MUC4: variants seen among roughly 807,000 people sequenced by gnomAD.
The protein encoded by MUC4 is mucin-4.
In MUC4, 202 loss-of-function variants were observed where a neutral mutation model predicts 257.9. The ratio of observed to expected loss-of-function variants is 0.78; its 90% confidence interval spans 0.70 to 0.88. The LOEUF (loss-of-function observed/expected upper bound fraction) is 0.88. MUC4 is among the 40% of genes least tolerant of loss of function. The pLI, the probability that MUC4 is intolerant of heterozygous loss-of-function variation, is 0.00. For missense variants in MUC4, 5,976 were observed against 6,513.7 expected (o/e 0.92, Z 2.84); for synonymous variants, 2,351 against 2,757.1 (o/e 0.85, Z 4.62).
In MUC4 at chr3:195,747,269, C is replaced by A. The variant is rs1233267902; in HGVS notation, c.16146G>T (p.Leu5382=). 2 of 1,614,256 alleles carry A rather than the reference C, an allele frequency of 1.2e-6. No homozygotes were observed. The highest frequency in any genetic ancestry group is 2.2e-5 in the South Asian group (2 of 91,088). The change falls in exon 25 of 25, where the codon CTG becomes CTT. Residue 5382 remains leucine, a synonymous_variant. Transcript: ENST00000463781. ...GGACCACGAACGTCCCGACCCCCAGCAGCAAGAGGCCGCCCAGGGCCCCAA... is the reference window on the plus strand; with the variant it reads ...GGACCACGAACGTCCCGACCCCCAGAAGCAAGAGGCCGCCCAGGGCCCCAA... ...IFFGALGGLL[L]LGVGTFVVLR...
Position 195,757,388 on chromosome 3 carries a change from T to C in MUC4, c.14987-60A>G. On this transcript the variant is annotated intron_variant, in intron 17 of 24. Transcript: ENST00000463781. The surrounding 1 kb of genome is among the most constrained non-coding windows in gnomAD (Gnocchi z 4.8). ...GAGACTCCTCGGCTCTGTGGTCTGA[T>C]TGCTGATACGGGGCTTCCCCCACCC... 2.0e-6 allele frequency: 3 copies of C among 1,489,900 alleles called. No homozygotes were observed. Among genetic ancestry groups the C allele is most frequent in the Non-Finnish European group, 2.7e-6 (3 of 1,094,400 alleles). 92.3% of individuals were successfully genotyped at this position (1,489,900 alleles called of 1,614,324 possible).
At position 195,791,154 on chromosome 3, in the gene MUC4, G is replaced by C. The variant is rs951697263; in HGVS notation, c.426C>G (p.Thr142=). ...MMTSKTITMT[T]STDSTLGNTE... ...TGTTTCCAAGAGTGGAGTCTGTGGAGGTTGTCATTGTTATAGTCTTTGATG... is the reference window on the plus strand; with the variant it reads ...TGTTTCCAAGAGTGGAGTCTGTGGACGTTGTCATTGTTATAGTCTTTGATG... Residue 142 remains threonine, a synonymous_variant, in exon 2 of 25, where the codon ACC becomes ACG. Transcript: ENST00000463781. 1.2e-6 allele frequency: 2 copies of C among 1,613,946 alleles called. No individual in the cohort carries two copies. The highest frequency in any genetic ancestry group is 8.5e-7 in the Non-Finnish European group (1 of 1,179,890).
At chr3:195,778,656 C>G (rs1277959396) in intron 2 of MUC4, 134 bp downstream of exon 2, 8 of 1,269,660 alleles carry the variant, frequency 6.3e-6, no homozygotes, top group African/African-American at 3.0e-5. Context: ...CCACACCCAT[C>G]ACCTCCTCCC....
intron 7 of MUC4, 123 bp downstream of exon 7, chr3:195,768,899 A>T: frequency 7.8e-7 from 1 of 1,281,998 alleles, no homozygotes; most frequent in Non-Finnish European, 1.0e-6. Flanking sequence ...AGTCAGCGTG[A>T]GTCAGAAGCA....
rs772125733 is a variant in MUC4, at chr3:195,779,000, G to A, written c.12580C>T (p.Pro4194Ser). 69 of 1,373,710 alleles carry A rather than the reference G, an allele frequency of 5.0e-5. No homozygotes were observed. Among genetic ancestry groups the A allele is most frequent in the Non-Finnish European group, 6.6e-5 (69 of 1,043,086 alleles). The allele number at this position is 1,373,710 out of a possible 1,614,324, so 85.1% of individuals were successfully genotyped here. ...GATGCTGAGGAAGTGTCGGTGACAG[G>A]AAGAGGGGTGGTGTCACCTGTGGAT... ...SASTGDTTPL[P>S]VTDTSSASTG... The change falls in exon 2 of 25, where the codon CCT (proline) becomes TCT (serine). Residue 4194 changes from proline (P) to serine (S), a missense_variant. Coordinates refer to ENST00000463781, the MANE Select transcript of MUC4 (RefSeq NM_018406.7).
rs1189812598 is a variant in MUC4 at position 195,785,547 on chromosome 3, T to G, written c.6033A>C (p.Thr2011=). 3 of 1,516,586 alleles carry G rather than the reference T, an allele frequency of 2.0e-6. No individual in the cohort carries two copies. The highest frequency in any genetic ancestry group is 2.7e-6 in the Non-Finnish European group (3 of 1,129,700). 93.9% of individuals were successfully genotyped at this position (1,516,586 alleles called of 1,614,324 possible). Residue 2011 remains threonine, a synonymous_variant, in exon 2 of 25, where the codon ACA becomes ACC. Transcript: ENST00000463781. Reference sequence around the variant, plus strand: ...TGACAGGAAGAGGGGTGGCCTGTCCTGTAGATACTGAGGAAGTGTCGGTGA... The same window carrying G: ...TGACAGGAAGAGGGGTGGCCTGTCCGGTAGATACTGAGGAAGTGTCGGTGA... The part of the protein sequence containing the change: ...LPVTDTSSVS[T]GQATPLPVTS...
Position 195,751,128 on chromosome 3 carries a change from A to G in MUC4, c.15648-16T>C, listed in dbSNP as rs1716327746. On this transcript the variant is annotated splice_polypyrimidine_tract_variant and intron_variant, in intron 22 of 24. Coordinates refer to ENST00000463781, the MANE Select transcript of MUC4 (RefSeq NM_018406.7). ...TGCAGAATCGCTGTGTGGGAGGGCA[A>G]CGGTGAGGGGGGGTGGGGGGCTGGG... is the stretch of plus-strand genomic sequence containing the variant. The G allele has an allele frequency of 1.7e-6, 1 of 576,576 alleles. No individual in the cohort carries two copies. Among genetic ancestry groups the G allele is most frequent in the Non-Finnish European group, 2.4e-6 (1 of 419,010 alleles). The allele number at this position is 576,576 out of a possible 1,614,324, so 35.7% of individuals were successfully genotyped here.
chr3:195,747,977 G>GGCCCC (rs545733677), intron 24 of MUC4, among the ~76,000 whole-genome samples: 6,249 of 144,834 alleles, frequency 0.043, no homozygotes, highest in Middle Eastern at 0.085. Context: ...GCCCCAGCCC[G>GGCCCC]GCCCCGCCCC....
chr3:195,782,160 G>C lies in MUC4; in HGVS notation c.9420C>G (p.Thr3140=), dbSNP rs201338210. 7.4e-7 allele frequency: 1 copy of C among 1,348,446 alleles called. No individual in the cohort carries two copies. The highest frequency in any genetic ancestry group is 9.7e-7 in the Non-Finnish European group (1 of 1,030,064). The allele number at this position is 1,348,446 out of a possible 1,614,324, so 83.5% of individuals were successfully genotyped here. Residue 3140 remains threonine (T), a synonymous_variant, in exon 2 of 25, where the codon ACC becomes ACG. Coordinates refer to ENST00000463781, the MANE Select transcript of MUC4 (RefSeq NM_018406.7). ...CACCTGTGGATGCTGAGGAAGTGCTGGTGACAGGAAGAGCGGTGGCCTGAC... is the reference window on the plus strand; with the variant it reads ...CACCTGTGGATGCTGAGGAAGTGCTCGTGACAGGAAGAGCGGTGGCCTGAC... ...STGQATALPV[T]STSSASTGDT...
chr3:195,750,924 G>A lies in MUC4; in HGVS notation c.15836C>T (p.Pro5279Leu). ...EEPRNDVVFQ[P>L]ISGEDVRDVT... ...ATCGCGCACGTCTTCCCCGGAGATG[G>A]GCTGGAAGACCACGTCGTTCCTGGG... is the stretch of plus-strand genomic sequence containing the variant. Residue 5279 changes from proline to leucine, a missense_variant, in exon 23 of 25, where the codon CCC becomes CTC. Transcript: ENST00000463781. The A allele has an allele frequency of 1.2e-6, 2 of 1,613,996 alleles. No individual in the cohort carries two copies. The highest frequency in any genetic ancestry group is 2.2e-5 in the East Asian group (1 of 44,866).
At chr3:195,797,007 C>T (rs1734658030) in intron 1 of MUC4, among the ~76,000 whole-genome samples, 1 of 152,080 alleles carries the variant, frequency 6.6e-6, no homozygotes, top group Non-Finnish European at 1.5e-5. Flanking sequence ...CTTTGGCAGG[C>T]CGAGGCAGGC....
intron 12 of MUC4, among the ~76,000 whole-genome samples, chr3:195,763,152 T>C (rs559891779): frequency 7.9e-5 from 12 of 152,346 alleles, no homozygotes; most frequent in African/African-American, 2.9e-4. Context: ...CTTTAGCTCT[T>C]ACAACAGCCC....
At chr3:195,792,236 C>A (rs959223878) in intron 1 of MUC4, among the ~76,000 whole-genome samples, 1 of 152,168 alleles carries the variant, frequency 6.6e-6, no homozygotes, top group Non-Finnish European at 1.5e-5. Flanking sequence ...ATCTAACCAT[C>A]TGACAGAGGT....
chr3:195,749,142 T>C lies in MUC4; in HGVS notation c.15872-78A>G, dbSNP rs534047852. ...AGTACCTTTTCAGCCACGAATTCCT[T>C]TTCGGGTGTTTATCCTGAGAAATAA... On this transcript the variant is annotated intron_variant, in intron 23 of 24. Transcript: ENST00000463781. 1.6e-4 allele frequency: 238 copies of C among 1,533,020 alleles called. No individual in the cohort carries two copies. In the East Asian group the frequency reaches 4.9e-3, roughly 32 times the overall value. The allele number at this position is 1,533,020 out of a possible 1,614,324, so 95.0% of individuals were successfully genotyped here. A position where few individuals can be genotyped will look rare whatever the true frequency, so the allele number is the denominator to read the frequency against.
intron 1 of MUC4, among the ~76,000 whole-genome samples, chr3:195,791,958 C>T (rs190004764): frequency 1.4e-4 from 21 of 152,264 alleles, no homozygotes; most frequent in Admixed American, 1.4e-3. Context: ...AACTGGACCC[C>T]TTCCTTACAC....
At position 195,748,961 on chromosome 3, in the gene MUC4, A is replaced by G; in HGVS notation, c.15975T>C (p.Ser5325=). Residue 5325 remains serine (S), a synonymous_variant, in exon 24 of 25, where the codon AGT becomes AGC. Transcript: ENST00000463781. ...GGCCTCCATGGTCACAGTAGCCCCT[A>G]CTGCACGGGGACACGCAGGTGAAGC... The part of the protein sequence containing the change: ...QSGFTCVSPC[S]RGYCDHGGQC... 6 of 1,607,694 alleles carry G rather than the reference A, an allele frequency of 3.7e-6. No homozygotes were observed. The highest frequency in any genetic ancestry group is 5.1e-6 in the Non-Finnish European group (6 of 1,177,134).
chr3:195,754,167 C>T, intron 19 of MUC4, 46 bp downstream of exon 19: 5 of 1,578,116 alleles, frequency 3.2e-6, no homozygotes, highest in Non-Finnish European at 4.3e-6. Context: ...CTTGAGCTAT[C>T]AGCTGCTCCC....
At chr3:195,753,849 C>G in intron 19 of MUC4, 1 of 254,340 alleles carries the variant, frequency 3.9e-6, no homozygotes, top group Non-Finnish European at 7.4e-6. Context: ...ATCCCGAGGA[C>G]CCAGCTTGCC....
rs1176518481 is a variant in MUC4 at position 195,786,177 on chromosome 3, T to A, written c.5403A>T (p.Ala1801=). ...TRLPVTDVSS[A]STGQAIPLPV... is the part of the protein sequence containing the mutation. The stretch of plus-strand genomic sequence containing the variant: ...GAAGAGGGATGGCCTGACCTGTGGA[T>A]GCCGAGGAAACGTCGGTGACAGGAA... The change falls in exon 2 of 25, where the codon GCA becomes GCT. Residue 1801 remains alanine (A), a synonymous_variant. Coordinates refer to ENST00000463781, the MANE Select transcript of MUC4 (RefSeq NM_018406.7). The A allele has an allele frequency of 2.0e-6, 3 of 1,524,646 alleles. No individual in the cohort carries two copies. Among genetic ancestry groups the A allele is most frequent in the Non-Finnish European group, 2.6e-6 (3 of 1,135,378 alleles). 94.4% of individuals were successfully genotyped at this position (1,524,646 alleles called of 1,614,324 possible).
Sources: allele counts gnomAD v4.1 joint callset (sites outside exome capture counted in the v4.1 genomes callset), GRCh38; gene constraint gnomAD v4.1.1; non-coding constraint Gnocchi (gnomAD v3.1); transcripts MANE v1.5; gene names NCBI Gene and HGNC (gene_info 2026-07-23, HGNC 2026-07-21).